The following CRPPA variants were observed in gnomAD, a reference collection of about 807,000 sequenced individuals.
CRPPA encodes D-ribitol-5-phosphate cytidylyltransferase.
CRPPA carries 43 observed loss-of-function variants against 52.0 expected under a neutral mutation model. The observed-to-expected ratio is 0.83, with a 90% CI of 0.65 to 1.07. The LOEUF (loss-of-function observed/expected upper bound fraction) is 1.07. CRPPA is among the 50% of genes least tolerant of loss of function. The pLI is 0.00. For missense variants in CRPPA, 629 were observed against 551.7 expected, an observed-to-expected ratio of 1.14 and a Z score of -1.40; for synonymous variants, 250 against 203.5, an observed-to-expected ratio of 1.23 and a Z score of -1.94.
At chr7:16,155,404 T>C (rs1783158994) in intron 9 of CRPPA, among the ~76,000 whole-genome samples, 2 of 152,180 alleles carry the variant, frequency 1.3e-5, no homozygotes, top group Admixed American at 6.5e-5. Context: ...CATAAGTCTA[T>C]GCAGGTCCAC....
intron 9 of CRPPA, among the ~76,000 whole-genome samples, chr7:16,173,601 C>T (rs1781237396): frequency 6.6e-6 from 1 of 151,916 alleles, no homozygotes; most frequent in South Asian, 2.1e-4. Flanking sequence ...AATAAAACAG[C>T]AATTTATAAG....
rs1351334704 is a variant in CRPPA at position 16,376,555 on chromosome 7, G to A, written c.535-314C>T. On this transcript the variant is annotated intron_variant, in intron 2 of 9. Transcript: ENST00000407010. ...ATCCAATTGGGTGTTCCCTAAAGAT[G>A]AAGGAGGCAGAGAAAGACTATCATG... is the stretch of plus-strand genomic sequence containing the variant. Among the ~76,000 whole-genome samples the A allele has an allele frequency of 3.3e-5, 5 of 151,714 alleles. No individual in the cohort carries two copies. The South Asian group carries it at 1.0e-3, about 31-fold the overall frequency.
At chr7:16,397,401 G>A (rs1472050550) in intron 2 of CRPPA, among the ~76,000 whole-genome samples, 2 of 152,166 alleles carry the variant, frequency 1.3e-5, no homozygotes, top group Non-Finnish European at 2.9e-5. Context: ...TGTGACAACT[G>A]ACACGTAATG....
At chr7:16,228,166 G>A (rs1428490103) in intron 8 of CRPPA, among the ~76,000 whole-genome samples, 2 of 151,832 alleles carry the variant, frequency 1.3e-5, no homozygotes, top group Non-Finnish European at 3.0e-5. Flanking sequence ...GTCAGGTAAT[G>A]TGATTCCCTC....
chr7:16,300,444 T>G (rs2128422687), intron 5 of CRPPA, among the ~76,000 whole-genome samples: 1 of 152,348 alleles, frequency 6.6e-6, no homozygotes, highest in African/African-American at 2.4e-5. Flanking sequence ...ACTAACACAC[T>G]GTAAAGCATC....
chr7:16,298,127 C>T (rs1784712432), intron 5 of CRPPA, among the ~76,000 whole-genome samples: 1 of 152,076 alleles, frequency 6.6e-6, no homozygotes, highest in Admixed American at 6.6e-5. Flanking sequence ...GAATACAAGT[C>T]ATAAATGGAG....
At position 16,124,498 on chromosome 7, in the gene CRPPA, G is replaced by A. The variant is rs983076073; in HGVS notation, c.1252-32699C>T. 4.6e-5 allele frequency among the ~76,000 whole-genome samples: 7 copies of A among 152,254 alleles called. No individual in the cohort carries two copies. The East Asian group carries it at 1.4e-3, about 29-fold the overall frequency. ...AGGCATAAAGAGATAAATGCTACAT[G>A]TTCTCACTCATATGTGGAAGCTAAA... On this transcript the variant is annotated intron_variant, in intron 9 of 9. Coordinates refer to ENST00000407010, the MANE Select transcript of CRPPA (RefSeq NM_001101426.4).
At chr7:16,324,211 C>G (rs1785326404) in intron 3 of CRPPA, among the ~76,000 whole-genome samples, 1 of 152,174 alleles carries the variant, frequency 6.6e-6, no homozygotes, top group South Asian at 2.1e-4. Context: ...TCATGTCCCT[C>G]CCTCACTGGC....
chr7:16,184,244 T>C (rs140502772), intron 9 of CRPPA, among the ~76,000 whole-genome samples: 1 of 152,256 alleles, frequency 6.6e-6, no homozygotes, highest in Non-Finnish European at 1.5e-5. Context: ...CCCGGCCTGG[T>C]ATTTCTTCAT....
chr7:16,195,250 G>A (rs975194325), intron 9 of CRPPA, among the ~76,000 whole-genome samples: 7 of 152,140 alleles, frequency 4.6e-5, no homozygotes, highest in African/African-American at 1.7e-4. Flanking sequence ...AATTCTGGCA[G>A]TGAAACAAAG....
At chr7:16,412,846 A>G (rs996037211) in intron 1 of CRPPA, among the ~76,000 whole-genome samples, 8 of 152,172 alleles carry the variant, frequency 5.3e-5, no homozygotes, top group Non-Finnish European at 8.8e-5. Flanking sequence ...GCTCTATTAC[A>G]CCTACAGACA....
intron 6 of CRPPA, among the ~76,000 whole-genome samples, chr7:16,277,645 A>G (rs1784233080): frequency 2.0e-5 from 3 of 152,146 alleles, no homozygotes; most frequent in African/African-American, 7.2e-5. Context: ...TGCATCTTCT[A>G]TTTGCCTAGC....
chr7:16,269,629 A>T (rs1454766326), intron 6 of CRPPA: 1 of 152,194 alleles, frequency 6.6e-6, no homozygotes, highest in Non-Finnish European at 1.5e-5. Context: ...CCTTGGAAAG[A>T]AGTTTTCCAG....
At chr7:16,178,082 A>G (rs1353694212) in intron 9 of CRPPA, among the ~76,000 whole-genome samples, 2 of 151,818 alleles carry the variant, frequency 1.3e-5, no homozygotes, top group Non-Finnish European at 2.9e-5. Context: ...AAAGAGAAAA[A>G]TGGAAAGTTT....
intron 3 of CRPPA, among the ~76,000 whole-genome samples, chr7:16,337,934 C>T (rs1785728401): frequency 1.3e-5 from 2 of 152,072 alleles, no homozygotes; most frequent in South Asian, 4.2e-4. Flanking sequence ...AAACTAATAC[C>T]AATTCTTCTC....
At chr7:16,316,138 T>C (rs1188528639) in intron 3 of CRPPA, among the ~76,000 whole-genome samples, 2 of 152,044 alleles carry the variant, frequency 1.3e-5, no homozygotes, top group Non-Finnish European at 2.9e-5. Flanking sequence ...AGATATTCTA[T>C]ACAGAAGAGG....
chr7:16,387,843 T>A (rs1045306793), intron 2 of CRPPA, among the ~76,000 whole-genome samples: 1 of 152,182 alleles, frequency 6.6e-6, no homozygotes, highest in African/African-American at 2.4e-5. Context: ...GAATACCTAT[T>A]TGAAGTGCAC....
chr7:16,225,884 AT>A (rs1457022892), intron 8 of CRPPA, among the ~76,000 whole-genome samples: 1 of 151,990 alleles, frequency 6.6e-6, no homozygotes, highest in African/African-American at 2.4e-5. Context: ...TTTTTTAAAA[AT>A]AAATATATTT....
At chr7:16,362,450 A>G (rs1237015223) in intron 3 of CRPPA, among the ~76,000 whole-genome samples, 1 of 152,080 alleles carries the variant, frequency 6.6e-6, no homozygotes, top group Non-Finnish European at 1.5e-5. Flanking sequence ...TGAAGACAGA[A>G]CCCTTGTGGC....
Sources: gnomAD v4.1 joint callset for allele counts (sites outside exome capture counted in the v4.1 genomes callset) on GRCh38, gnomAD v4.1.1 for gene constraint, MANE v1.5 for transcripts, NCBI Gene and HGNC (gene_info 2026-07-23, HGNC 2026-07-21) for gene names.